The following FRMPD4 variants were observed in gnomAD, a reference collection of about 807,000 sequenced individuals.
The protein encoded by FRMPD4 is FERM and PDZ domain-containing protein 4.
In FRMPD4, 22 loss-of-function variants were observed where a neutral mutation model predicts 94.1. That is an observed-to-expected ratio of 0.23 (90% CI 0.17 to 0.33). The LOEUF is 0.33. FRMPD4 is among the 10% of genes least tolerant of loss of function. The pLI, the probability that FRMPD4 is intolerant of heterozygous loss-of-function variation, is 1.00. For missense variants in FRMPD4, 1,111 were observed against 1,339.9 expected, an observed-to-expected ratio of 0.83 and a Z score of 2.67; for synonymous variants, 631 against 548.6, an observed-to-expected ratio of 1.15 and a Z score of -2.10.
At chrX:12,531,561 A>G (rs189836419) in intron 2 of FRMPD4, among the ~76,000 whole-genome samples, 1 of 111,648 alleles carries the variant, frequency 9.0e-6, no homozygotes, top group Non-Finnish European at 1.9e-5. Flanking sequence ...CACATTTCTA[A>G]TAAGCTTCCA....
At chrX:12,082,250 G>C (rs2055068423) in intron 3 of FRMPD4, among the ~76,000 whole-genome samples, 1 of 111,380 alleles carries the variant, frequency 9.0e-6, no homozygotes, top group Admixed American at 9.5e-5. Context: ...AAAGACCAGG[G>C]GGATGTAATT....
At chrX:12,485,660 G>A (rs756408588) in intron 1 of FRMPD4, among the ~76,000 whole-genome samples, 5 of 111,229 alleles carry the variant, frequency 4.5e-5, no homozygotes, top group South Asian at 7.6e-4. Flanking sequence ...TTTCACTGGC[G>A]GTCACCATGG....
chrX:12,102,974 A>G (rs1413062359), intron 3 of FRMPD4, among the ~76,000 whole-genome samples: 2 of 111,568 alleles, frequency 1.8e-5, no homozygotes, highest in East Asian at 5.6e-4. Flanking sequence ...CTTTTTTCTT[A>G]TATGACTTGT....
At chrX:12,301,557 T>G (rs5978513) in intron 1 of FRMPD4, among the ~76,000 whole-genome samples, 21,109 of 110,930 alleles carry the variant, frequency 0.19, 1,834 homozygotes, top group Admixed American at 0.43. Flanking sequence ...CTCTAGAAAC[T>G]CTCACCAGTC....
chrX:12,261,612 C>CT (rs894136426), intron 1 of FRMPD4, among the ~76,000 whole-genome samples: 4 of 112,034 alleles, frequency 3.6e-5, no homozygotes, highest in Non-Finnish European at 7.5e-5. Context: ...CACCAAAGAA[C>CT]TTATGGCATG....
chrX:12,686,679 C>G (rs774992986), intron 7 of FRMPD4, among the ~76,000 whole-genome samples: 1 of 111,768 alleles, frequency 8.9e-6, no homozygotes, highest in Admixed American at 9.5e-5. Context: ...TTTCTGTAAC[C>G]AATTTCATGG....
At chrX:12,670,129 G>A (rs1189593411) in intron 4 of FRMPD4, among the ~76,000 whole-genome samples, 1 of 111,836 alleles carries the variant, frequency 8.9e-6, no homozygotes, top group Non-Finnish European at 1.9e-5. Context: ...GAGAAAATTA[G>A]CATTTGTCCC....
At chrX:11,900,473 G>A (rs188148896) in intron 3 of FRMPD4, among the ~76,000 whole-genome samples, 72 of 112,025 alleles carry the variant, frequency 6.4e-4, no homozygotes, top group Admixed American at 3.2e-3. Context: ...GCACTGGCAA[G>A]GGGTCGTCCC....
chrX:12,644,105 C>T lies in FRMPD4; in HGVS notation c.422+29224C>T, dbSNP rs144758197. On this transcript the variant is annotated intron_variant, in intron 4 of 16. Coordinates refer to ENST00000675598, the MANE Select transcript of FRMPD4 (RefSeq NM_001368397.1). ...TTTTCTTTGAGACAGGGTCTCACTC[C>T]GACATCCAGGCTGGAGTGCAGTGAC... 3.7e-3 allele frequency among the ~76,000 whole-genome samples: 407 copies of T among 109,970 alleles called. 1 individual carries two copies. Among genetic ancestry groups the T allele is most frequent in the African/African-American group, 0.013 (392 of 30,209 alleles).
At chrX:12,298,104 T>C (rs1450646360) in intron 1 of FRMPD4, among the ~76,000 whole-genome samples, 2 of 112,227 alleles carry the variant, frequency 1.8e-5, no homozygotes, top group Admixed American at 1.9e-4. Flanking sequence ...TGTAAGATTT[T>C]CCCATGTTGA....
At chrX:12,044,111 TTC>T (rs2054772912) in intron 3 of FRMPD4, among the ~76,000 whole-genome samples, 2 of 112,087 alleles carry the variant, frequency 1.8e-5, no homozygotes, top group African/African-American at 6.5e-5. Context: ...TCTTAAATCT[TTC>T]TGTCTTAAAT....
chrX:12,193,250 A>G (rs2056511741), intron 1 of FRMPD4, among the ~76,000 whole-genome samples: 1 of 111,549 alleles, frequency 9.0e-6, no homozygotes, highest in Non-Finnish European at 1.9e-5. Flanking sequence ...TATGCAACAC[A>G]TCATAAGCCG....
rs1385178784 is a variant in FRMPD4, at chrX:12,598,498, C to A, written c.159-11223C>A. Among the ~76,000 whole-genome samples the A allele has an allele frequency of 4.5e-5, 5 of 111,598 alleles. No individual in the cohort carries two copies. The Admixed American group carries it at 4.8e-4, about 11-fold the overall frequency. On this transcript the variant is annotated intron_variant, in intron 2 of 16. Transcript: ENST00000675598. ...AGCACCTCCCATTGTTTTGCCCGAG[C>A]AGGAAGCCAGAACACAAGGATCCCA... is the stretch of plus-strand genomic sequence containing the variant.
At chrX:12,705,741 G>C (rs763164087) in intron 11 of FRMPD4, among the ~76,000 whole-genome samples, 4 of 110,170 alleles carry the variant, frequency 3.6e-5, no homozygotes, top group South Asian at 7.7e-4. Context: ...TTTCAAGCCT[G>C]GCCCACTCGT....
intron 1 of FRMPD4, among the ~76,000 whole-genome samples, chrX:12,250,072 TTGTGTGTGTG>T (rs72178576): frequency 2.0e-4 from 18 of 91,454 alleles, no homozygotes; most frequent in African/African-American, 4.5e-4. Context: ...GTTTGTGTGT[TTGTGTGTGTG>T]TGTGTGTGTG....
chrX:11,951,986 T>A (rs1050107823), intron 3 of FRMPD4, among the ~76,000 whole-genome samples: 10 of 112,152 alleles, frequency 8.9e-5, no homozygotes, highest in Non-Finnish European at 1.9e-5. Context: ...CAGTGAGTCA[T>A]AATGGCGCCA....
At chrX:12,600,228 A>G (rs777466003) in intron 2 of FRMPD4, among the ~76,000 whole-genome samples, 36 of 110,493 alleles carry the variant, frequency 3.3e-4, no homozygotes, top group Non-Finnish European at 5.7e-4. Context: ...CCATTTTTCA[A>G]TCCCATCTAT....
chrX:12,223,451 A>C (rs758446462), intron 1 of FRMPD4, among the ~76,000 whole-genome samples: 9 of 111,808 alleles, frequency 8.0e-5, no homozygotes, highest in Non-Finnish European at 1.5e-4. Flanking sequence ...GGCCTCCTTG[A>C]GGGTAAAGGG....
intron 4 of FRMPD4, among the ~76,000 whole-genome samples, chrX:12,650,811 T>C (rs1325956864): frequency 1.8e-5 from 2 of 113,119 alleles, no homozygotes; most frequent in South Asian, 7.2e-4. Flanking sequence ...ATATGCTTCT[T>C]ATCTCATCTC....
Sources: gnomAD v4.1 joint callset for allele counts (sites outside exome capture counted in the v4.1 genomes callset) on GRCh38, gnomAD v4.1.1 for gene constraint, MANE v1.5 for transcripts, NCBI Gene and HGNC (gene_info 2026-07-23, HGNC 2026-07-21) for gene names.